The following RHD variants were observed in gnomAD, a reference collection of about 807,000 sequenced individuals.
RHD encodes the protein Rh blood group D antigen, also known as blood group Rh(D) polypeptide.
A neutral mutation model predicts 45.5 loss-of-function variants in RHD; 16 were observed. The observed-to-expected ratio is 0.35, with a 90% CI of 0.24 to 0.53. RHD has a LOEUF of 0.53. Among genes scored for constraint, RHD ranks in the 20% least tolerant of loss-of-function variants. The probability of loss-of-function intolerance (pLI) is 0.92; values close to 1 mark genes in which losing one functional copy is unlikely to be tolerated. For synonymous variants in RHD, 131 were observed against 217.5 expected, an observed-to-expected ratio of 0.60 and a Z score of 3.50; for missense variants, 306 against 532.0, an observed-to-expected ratio of 0.58 and a Z score of 4.18.
rs774889533 is a variant in RHD at position 25,306,690 on chromosome 1, T to A, written c.1034T>A (p.Val345Glu). Residue 345 changes from valine (V) to glutamate (E), a missense_variant, in exon 7 of 10, where the codon GTG becomes GAG. Coordinates refer to ENST00000328664, the MANE Select transcript of RHD (RefSeq NM_016124.6). Reference sequence around the variant, plus strand: ...CTGCTTGGAGAGATCATCTACATTGTGCTGCTGGTGCTTGATACCGTCGGA... The same window carrying A: ...CTGCTTGGAGAGATCATCTACATTGAGCTGCTGGTGCTTGATACCGTCGGA... Reference protein sequence around the residue: ...LGLLGEIIYIVLLVLDTVGAG... With the variant: ...LGLLGEIIYIELLVLDTVGAG... The A allele has an allele frequency of 6.5e-6, 9 of 1,378,552 alleles. 1 individual carries two copies. The South Asian group carries it at 1.1e-4, about 16-fold the overall frequency. 85.4% of individuals were successfully genotyped at this position (1,378,552 alleles called of 1,614,324 possible).
intron 1 of RHD, among the ~76,000 whole-genome samples, chr1:25,278,591 G>T (rs2124601005): frequency 7.6e-6 from 1 of 130,944 alleles, no homozygotes; most frequent in South Asian, 2.3e-4. Context: ...TGATTCACTG[G>T]GGGCCATTAC....
At chr1:25,303,564 G>C (rs1472145798) in intron 6 of RHD, 105 bp downstream of exon 6, 6 of 1,154,462 alleles carry the variant, frequency 5.2e-6, no homozygotes, top group East Asian at 2.3e-5. Flanking sequence ...GGCAGGTGTC[G>C]GCGCATTCTC....
chr1:25,289,035 A>G (rs1448485828), intron 2 of RHD, among the ~76,000 whole-genome samples: 1 of 133,632 alleles, frequency 7.5e-6, no homozygotes, highest in Admixed American at 7.3e-5. Flanking sequence ...CTGAGTCCAG[A>G]CTTCAGAGCA....
chr1:25,309,205 G>C lies in RHD; in HGVS notation c.1073+2476G>C, dbSNP rs149698492. Reference sequence around the variant, plus strand: ...GAGTCAGATGCTGTGATCAGAACCAGGATGGAGCATTTCCCACAAACTGTG... The same window carrying C: ...GAGTCAGATGCTGTGATCAGAACCACGATGGAGCATTTCCCACAAACTGTG... On this transcript the variant is annotated intron_variant, in intron 7 of 9. Coordinates refer to ENST00000328664, the MANE Select transcript of RHD (RefSeq NM_016124.6). 2.3e-3 allele frequency among the ~76,000 whole-genome samples: 304 copies of C among 131,896 alleles called. 49 individuals are homozygous for C. Among genetic ancestry groups the C allele is most frequent in the African/African-American group, 7.5e-3 (287 of 38,032 alleles). The allele number at this position is 131,896 out of a possible 152,430, so 86.5% of individuals were successfully genotyped here.
Position 25,294,685 on chromosome 1 carries a change from G to A in RHD, c.486+3894G>A. 2 of 625,620 alleles carry A rather than the reference G, an allele frequency of 3.2e-6. 1 individual carries two copies. Among genetic ancestry groups the A allele is most frequent in the South Asian group, 3.2e-5 (2 of 62,324 alleles). The allele number at this position is 625,620 out of a possible 1,614,324, so 38.8% of individuals were successfully genotyped here. ...AGAGTTCATCTTAACGAGAGAAATG[G>A]CAGGGACTGTGAATAGGCCGGCAGA... is the stretch of plus-strand genomic sequence containing the variant. On this transcript the variant is annotated intron_variant, in intron 3 of 9. Transcript: ENST00000328664.
At chr1:25,323,464 A>T (rs1644822014) in intron 9 of RHD, among the ~76,000 whole-genome samples, 2 of 119,030 alleles carry the variant, frequency 1.7e-5, no homozygotes, top group African/African-American at 5.8e-5. Flanking sequence ...CATTTTCTGT[A>T]ATTTTTTTGT....
intron 1 of RHD, among the ~76,000 whole-genome samples, chr1:25,281,577 C>A (rs1203769416): frequency 7.6e-6 from 1 of 132,118 alleles, no homozygotes; most frequent in East Asian, 1.9e-4. Context: ...CCTTCATATA[C>A]ATATTTCCTG....
intron 1 of RHD, among the ~76,000 whole-genome samples, chr1:25,273,302 A>ATTT (rs750823240): frequency 2.7e-4 from 26 of 97,774 alleles, no homozygotes; most frequent in African/African-American, 9.2e-4. Context: ...TGCCTGGCTA[A>ATTT]TTTTTTTTTT....
chr1:25,284,650 A>G lies in RHD; in HGVS notation c.226A>G (p.Ser76Gly), dbSNP rs1393764439. 1.4e-6 allele frequency: 2 copies of G among 1,388,872 alleles called. 1 individual carries two copies. The allele number at this position is 1,388,872 out of a possible 1,614,324, so 86.0% of individuals were successfully genotyped here. A position where few individuals can be genotyped will look rare whatever the true frequency, so the allele number is the denominator to read the frequency against. The change falls in exon 2 of 10, where the codon AGT (serine) becomes GGT (glycine). Residue 76 changes from serine to glycine, a missense_variant. By Grantham distance (56) the Ser-to-Gly change is moderately conservative. Coordinates refer to ENST00000328664, the MANE Select transcript of RHD (RefSeq NM_016124.6). ...GAGTTTCCGGAGACACAGCTGGAGC[A>G]GTGTGGCCTTCAACCTCTTCATGCT... ...TSSFRRHSWS[S>G]VAFNLFMLAL... is the part of the protein sequence containing the mutation.
chr1:25,315,199 T>G (rs1171443126), intron 7 of RHD, among the ~76,000 whole-genome samples: 1 of 130,148 alleles, frequency 7.7e-6, no homozygotes, highest in African/African-American at 2.6e-5. Context: ...TCCCCCTGAT[T>G]TTTTTCCTAA....
At position 25,306,752 on chromosome 1, in the gene RHD, C is replaced by G; in HGVS notation, c.1073+23C>G. ...CATGTGGGTCACTGGGCTTACCCCC[C>G]ATCCCCTTAACACTCCCCTCCAACT... On this transcript the variant is annotated intron_variant, in intron 7 of 9. Coordinates refer to ENST00000328664, the MANE Select transcript of RHD (RefSeq NM_016124.6). 5 of 1,374,036 alleles carry G rather than the reference C, an allele frequency of 3.6e-6. 1 individual carries two copies. The highest frequency in any genetic ancestry group is 5.1e-6 in the Non-Finnish European group (5 of 975,682). 85.1% of individuals were successfully genotyped at this position (1,374,036 alleles called of 1,614,324 possible).
chr1:25,276,849 G>A lies in RHD; in HGVS notation c.148+4154G>A, dbSNP rs1332774574. ...TGGGAGGCCAAAGCAGGCAGATCACGAGGTCTGGAGATGGAGACCATCCTG... is the reference window on the plus strand; with the variant it reads ...TGGGAGGCCAAAGCAGGCAGATCACAAGGTCTGGAGATGGAGACCATCCTG... On this transcript the variant is annotated intron_variant, in intron 1 of 9. Coordinates refer to ENST00000328664, the MANE Select transcript of RHD (RefSeq NM_016124.6). 2.3e-5 allele frequency among the ~76,000 whole-genome samples: 3 copies of A among 132,486 alleles called. 1 individual carries two copies. The highest frequency in any genetic ancestry group is 7.7e-5 in the African/African-American group (3 of 38,800). The allele number at this position is 132,486 out of a possible 152,430, so 86.9% of individuals were successfully genotyped here.
At position 25,313,739 on chromosome 1, in the gene RHD, G is replaced by A. The variant is rs1024800019; in HGVS notation, c.1074-3261G>A. 1.5e-5 allele frequency among the ~76,000 whole-genome samples: 2 copies of A among 132,016 alleles called. 1 individual carries two copies. Among genetic ancestry groups the A allele is most frequent in the Admixed American group, 1.5e-4 (2 of 13,516 alleles). The allele number at this position is 132,016 out of a possible 152,430, so 86.6% of individuals were successfully genotyped here. A position where few individuals can be genotyped will look rare whatever the true frequency, so the allele number is the denominator to read the frequency against. On this transcript the variant is annotated intron_variant, in intron 7 of 9. Transcript: ENST00000328664. ...GAGTGGTGGGAGAGTAACTGGGTGAGGGCATCCACTAATGGGCAGGAAGTG... is the reference window on the plus strand; with the variant it reads ...GAGTGGTGGGAGAGTAACTGGGTGAAGGCATCCACTAATGGGCAGGAAGTG...
rs1178739465 is a variant in RHD, at chr1:25,272,643, C to T, written c.96C>T (p.Thr32=). ...AALILLFYFF[T]HYDASLEDQK... ...TCATTCTCCTCTTCTATTTTTTTAC[C>T]CACTATGACGCTTCCTTAGAGGATC... Residue 32 remains threonine (T), a synonymous_variant, in exon 1 of 10, where the codon ACC becomes ACT. Transcript: ENST00000328664. 4 of 1,570,780 alleles carry T rather than the reference C, an allele frequency of 2.5e-6. 1 individual carries two copies. In the African/African-American group the frequency reaches 5.5e-5, roughly 22 times the overall value.
At chr1:25,282,057 G>A (rs1316032030) in intron 1 of RHD, among the ~76,000 whole-genome samples, 1 of 131,634 alleles carries the variant, frequency 7.6e-6, no homozygotes, top group Non-Finnish European at 1.8e-5. Flanking sequence ...TTGATGAACA[G>A]TCACTATTTA....
At chr1:25,287,557 T>C (rs1642140032) in intron 2 of RHD, among the ~76,000 whole-genome samples, 1 of 134,822 alleles carries the variant, frequency 7.4e-6, no homozygotes, top group African/African-American at 2.6e-5. Context: ...CTCCAGCTTG[T>C]GCCACTTGAC....
At position 25,322,003 on chromosome 1, in the gene RHD, A is replaced by G. The variant is rs780605765; in HGVS notation, c.1227+41A>G. On this transcript the variant is annotated intron_variant, in intron 9 of 9. Transcript: ENST00000328664. ...TATTAACGTGATAGATTTTGAGTGCATGAACTTAAAAACATACCTGAGTAT... is the reference window on the plus strand; with the variant it reads ...TATTAACGTGATAGATTTTGAGTGCGTGAACTTAAAAACATACCTGAGTAT... 9.8e-6 allele frequency: 10 copies of G among 1,016,354 alleles called. 1 individual carries two copies. The highest frequency in any genetic ancestry group is 1.5e-5 in the Non-Finnish European group (10 of 649,582). The allele number at this position is 1,016,354 out of a possible 1,614,324, so 63.0% of individuals were successfully genotyped here.
intron 9 of RHD, among the ~76,000 whole-genome samples, chr1:25,322,465 G>C (rs1362241043): frequency 7.5e-6 from 1 of 132,836 alleles, no homozygotes; most frequent in East Asian, 1.9e-4. Flanking sequence ...CTGAGGCCAG[G>C]AGTTCGAGAC....
intron 3 of RHD, among the ~76,000 whole-genome samples, chr1:25,299,788 C>T (rs1557538764): frequency 7.5e-6 from 1 of 132,560 alleles, no homozygotes; most frequent in African/African-American, 2.6e-5. Flanking sequence ...GTCACTCTGT[C>T]GCTGAAGCTG....
Sources: allele counts gnomAD v4.1 joint callset (sites outside exome capture counted in the v4.1 genomes callset), GRCh38; gene constraint gnomAD v4.1.1; transcripts MANE v1.5; gene names NCBI Gene and HGNC (gene_info 2026-07-23, HGNC 2026-07-21).